Variants in ATG14 observed in about 807,000 individuals in gnomAD.
The protein encoded by ATG14 is autophagy related 14.
Under a neutral mutation model 60.4 loss-of-function variants are expected in ATG14, and 35 were observed. That is an observed-to-expected ratio of 0.58 (90% CI 0.44 to 0.77). ATG14 has a LOEUF of 0.77. ATG14 is among the 30% of genes least tolerant of loss of function. The pLI is 0.00. For missense variants in ATG14, 647 were observed against 626.3 expected, an observed-to-expected ratio of 1.03 and a Z score of -0.35; for synonymous variants, 234 against 228.8, an observed-to-expected ratio of 1.02 and a Z score of -0.21.
chr14:55,392,293 G>GT lies in ATG14; in HGVS notation c.328-1302dup, dbSNP rs1272225046. ...CTGTTTCCTAACAGGCCACAGCCCA[G>GT]TAGGTATATGTGGCCTGGGGGTTGG... On this transcript the variant is annotated intron_variant, in intron 3 of 9. Coordinates refer to ENST00000247178, the MANE Select transcript of ATG14 (RefSeq NM_014924.5). 2.0e-5 allele frequency among the ~76,000 whole-genome samples: 3 copies of GT among 152,156 alleles called. No homozygotes were observed. The East Asian group carries it at 5.8e-4, about 29-fold the overall frequency.
intron 4 of ATG14, 80 bp from the exon 5 acceptor site, chr14:55,386,176 C>G: frequency 8.3e-7 from 1 of 1,207,538 alleles, no homozygotes; most frequent in Non-Finnish European, 1.2e-6. Context: ...CACAAACATG[C>G]GTGTTTTCCC....
rs779634897 is a variant in ATG14, at chr14:55,375,490, ATTTTTTTT to A, written c.1172+2321_1172+2328del. On this transcript the variant is annotated intron_variant, in intron 9 of 9. Coordinates refer to ENST00000247178, the MANE Select transcript of ATG14 (RefSeq NM_014924.5). ...GGCATGCATTACCACGCCGGGCTAA[ATTTTTTTT>A]TTTTTTTTTTTTTTTTTTTACTTTT... 3.1e-4 allele frequency among the ~76,000 whole-genome samples: 37 copies of A among 117,804 alleles called. 1 individual carries two copies. Among genetic ancestry groups the A allele is most frequent in the Middle Eastern group, 4.5e-3 (1 of 220 alleles). 77.3% of individuals were successfully genotyped at this position (117,804 alleles called of 152,430 possible).
chr14:55,385,288 G>GGT (rs1224456009), intron 5 of ATG14, among the ~76,000 whole-genome samples: 1 of 151,926 alleles, frequency 6.6e-6, no homozygotes, highest in Non-Finnish European at 1.5e-5. Context: ...ATGGTTCTCT[G>GGT]GTTTTTTTTT....
intron 1 of ATG14, 78 bp downstream of exon 1, chr14:55,411,524 C>A: frequency 4.3e-6 from 6 of 1,403,346 alleles, no homozygotes; most frequent in Admixed American, 2.2e-5. Context: ...GGACGGGGAG[C>A]CCCAGGTTCC....
rs560804619 is a variant in ATG14, at chr14:55,391,293, G to T, written c.328-301C>A. On this transcript the variant is annotated intron_variant, in intron 3 of 9. Transcript: ENST00000247178. ...GATCAAGACCATCCTGGCCAACATG[G>T]TGAAACCCCATCTCTACTAAAAAAA... 2.0e-4 allele frequency: 39 copies of T among 197,006 alleles called. 1 individual carries two copies. Among genetic ancestry groups the T allele is most frequent in the African/African-American group, 9.0e-4 (38 of 42,232 alleles). 12.2% of individuals were successfully genotyped at this position (197,006 alleles called of 1,614,324 possible). A position where few individuals can be genotyped will look rare whatever the true frequency, so the allele number is the denominator to read the frequency against.
At chr14:55,376,507 G>A (rs564275621) in intron 9 of ATG14, among the ~76,000 whole-genome samples, 24 of 152,280 alleles carry the variant, frequency 1.6e-4, no homozygotes, top group African/African-American at 4.8e-4. Flanking sequence ...GTTTCCTGGC[G>A]AGTTCACAGC....
chr14:55,408,506 T>A (rs1306788268), intron 1 of ATG14, among the ~76,000 whole-genome samples: 1 of 152,064 alleles, frequency 6.6e-6, no homozygotes, highest in Non-Finnish European at 1.5e-5. Context: ...GCGTGGTGGC[T>A]CATATCTGTA....
chr14:55,404,115 A>C (rs914468286), intron 1 of ATG14, among the ~76,000 whole-genome samples: 1 of 152,202 alleles, frequency 6.6e-6, no homozygotes, highest in Non-Finnish European at 1.5e-5. Context: ...GCTCAAGAGG[A>C]GTTCACAAAT....
chr14:55,407,350 C>T (rs745427418), intron 1 of ATG14, among the ~76,000 whole-genome samples: 1 of 152,176 alleles, frequency 6.6e-6, no homozygotes, highest in Non-Finnish European at 1.5e-5. Flanking sequence ...AGGATGGTCT[C>T]GGTCTCTTGA....
intron 1 of ATG14, among the ~76,000 whole-genome samples, chr14:55,397,969 A>G (rs555404241): frequency 1.4e-3 from 152 of 109,094 alleles, no homozygotes; most frequent in Non-Finnish European, 1.1e-3. Flanking sequence ...TTTTTTTGAG[A>G]TGGAGTCTCA....
At chr14:55,385,794 G>C in intron 5 of ATG14, 65 bp downstream of exon 5, 1 of 1,304,806 alleles carries the variant, frequency 7.7e-7, no homozygotes, top group Non-Finnish European at 1.1e-6. Context: ...ATAAGGTAAT[G>C]ACATACTTTA....
At chr14:55,395,364 T>A (rs1406016194) in intron 3 of ATG14, 1 of 221,110 alleles carries the variant, frequency 4.5e-6, no homozygotes, top group Non-Finnish European at 9.0e-6. Context: ...TTTGTTTGTT[T>A]GTTTGTTTGA....
At chr14:55,406,105 T>C (rs1049438523) in intron 1 of ATG14, among the ~76,000 whole-genome samples, 1 of 152,202 alleles carries the variant, frequency 6.6e-6, no homozygotes, top group Non-Finnish European at 1.5e-5. Flanking sequence ...AGACACATGG[T>C]TCCCTTCTTA....
At position 55,406,563 on chromosome 14, in the gene ATG14, T is replaced by C. The variant is rs1594785625; in HGVS notation, c.221+5039A>G. On this transcript the variant is annotated intron_variant, in intron 1 of 9. Transcript: ENST00000247178. ...AAATCCTTGAGAGCAGAGACCTGTC[T>C]TTCTCCTCTGTATTGCCAGAAAATT... Among the ~76,000 whole-genome samples, 4 of 152,226 alleles carry C rather than the reference T, an allele frequency of 2.6e-5. No individual in the cohort carries two copies. The South Asian group carries it at 6.2e-4, about 24-fold the overall frequency.
intron 7 of ATG14, 108 bp downstream of exon 7, chr14:55,380,465 C>G (rs1056347813): frequency 5.6e-6 from 4 of 719,194 alleles, no homozygotes; most frequent in Non-Finnish European, 7.1e-6. Context: ...CCTTCTCTGT[C>G]TTGGTAATAC....
At position 55,411,805 on chromosome 14, in the gene ATG14, C is replaced by T. The variant is rs763176010; in HGVS notation, c.18G>A (p.Gly6=). 40 of 1,596,634 alleles carry T rather than the reference C, an allele frequency of 2.5e-5. No individual in the cohort carries two copies. The highest frequency in any genetic ancestry group is 3.4e-6 in the Non-Finnish European group (4 of 1,172,380). The change falls in exon 1 of 10, where the codon GGG becomes GGA. Residue 6 remains glycine (G), a synonymous_variant. Coordinates refer to ENST00000247178, the MANE Select transcript of ATG14 (RefSeq NM_014924.5). Reference sequence around the variant, plus strand: ...GAGCCTCCAGCGCCCGGGCTCCCTTCCCACTGGGAGACGCCATGATGGCCT... The same window carrying T: ...GAGCCTCCAGCGCCCGGGCTCCCTTTCCACTGGGAGACGCCATGATGGCCT... MASPS[G]KGARALEAPG...
chr14:55,406,361 G>T (rs1380500246), intron 1 of ATG14, among the ~76,000 whole-genome samples: 1 of 152,194 alleles, frequency 6.6e-6, no homozygotes, highest in Non-Finnish European at 1.5e-5. Context: ...GTGCTGTAAG[G>T]TTCCAGATTT....
intron 2 of ATG14, among the ~76,000 whole-genome samples, chr14:55,396,631 C>T (rs1011923054): frequency 6.6e-6 from 1 of 152,064 alleles, no homozygotes; most frequent in Non-Finnish European, 1.5e-5. Flanking sequence ...AAAGAGACAA[C>T]CCTTTTAGAA....
At chr14:55,401,213 GCTA>G in intron 1 of ATG14, among the ~76,000 whole-genome samples, 1 of 151,160 alleles carries the variant, frequency 6.6e-6, no homozygotes, top group Middle Eastern at 3.5e-3. Flanking sequence ...TATTTTACTG[GCTA>G]CTGATTTTTC....
Sources: gnomAD v4.1 joint callset for allele counts (sites outside exome capture counted in the v4.1 genomes callset) on GRCh38, gnomAD v4.1.1 for gene constraint, MANE v1.5 for transcripts, NCBI Gene and HGNC (gene_info 2026-07-23, HGNC 2026-07-21) for gene names.